RFX2: variants seen among roughly 807,000 people sequenced by gnomAD.
The protein encoded by RFX2 is regulatory factor X2, also known as DNA-binding protein RFX2.
Under a neutral mutation model 87.8 loss-of-function variants are expected in RFX2, and 20 were observed. That is an observed-to-expected ratio of 0.23 (90% CI 0.16 to 0.33). The LOEUF (loss-of-function observed/expected upper bound fraction) is 0.33. Among genes scored for constraint, RFX2 ranks in the 10% least tolerant of loss-of-function variants. The pLI, the probability that RFX2 is intolerant of heterozygous loss-of-function variation, is 1.00. For missense variants in RFX2, 767 were observed against 1,012.3 expected, an observed-to-expected ratio of 0.76 and a Z score of 3.29; for synonymous variants, 397 against 431.3, an observed-to-expected ratio of 0.92 and a Z score of 0.98.
In RFX2 at chr19:6,044,183, T is replaced by G; in HGVS notation, c.180+10A>C. Reference sequence around the variant, plus strand: ...CCCGGTTTGCACGGTGCTGCGGTGCTTGTCATTACCTGCTGGGGTACCTGC... The same window carrying G: ...CCCGGTTTGCACGGTGCTGCGGTGCGTGTCATTACCTGCTGGGGTACCTGC... On this transcript the variant is annotated intron_variant, in intron 3 of 17. Coordinates refer to ENST00000303657, the MANE Select transcript of RFX2 (RefSeq NM_000635.4). The surrounding 1 kb of genome is among the most constrained non-coding windows in gnomAD (Gnocchi z 5.3). 1 of 1,532,014 alleles carries G rather than the reference T, an allele frequency of 6.5e-7. No homozygotes were observed. The highest frequency in any genetic ancestry group is 8.8e-7 in the Non-Finnish European group (1 of 1,137,830). The allele number at this position is 1,532,014 out of a possible 1,614,324, so 94.9% of individuals were successfully genotyped here.
chr19:6,068,036 G>C (rs533554685), intron 1 of RFX2: 2 of 152,320 alleles, frequency 1.3e-5, no homozygotes, highest in East Asian at 3.9e-4. Flanking sequence ...GTGTTGCAGG[G>C]AGATGAGGAA....
chr19:6,081,149 G>C (rs1397678451), intron 1 of RFX2, among the ~76,000 whole-genome samples: 2 of 151,648 alleles, frequency 1.3e-5, no homozygotes, highest in Non-Finnish European at 2.9e-5. Flanking sequence ...TTAGATTATA[G>C]ACAGAAAGAG....
chr19:6,013,676 A>T lies in RFX2; in HGVS notation c.780-571T>A, dbSNP rs957116836. Among the ~76,000 whole-genome samples, 8 of 152,050 alleles carry T rather than the reference A, an allele frequency of 5.3e-5. No homozygotes were observed. Among genetic ancestry groups the T allele is most frequent in the Non-Finnish European group, 1.2e-4 (8 of 68,008 alleles). ...TGGGACAGCTGGCGTGTGCCAACAC[A>T]CTCGGATGGTAGAAGTGATCCTCCT... On this transcript the variant is annotated intron_variant, in intron 7 of 17. Coordinates refer to ENST00000303657, the MANE Select transcript of RFX2 (RefSeq NM_000635.4). This position sits in a 1 kb window ranked among gnomAD's most constrained non-coding sequence, Gnocchi z 4.1.
Position 6,017,223 on chromosome 19 carries a change from T to A in RFX2, c.598-952A>T, listed in dbSNP as rs533848082. Among the ~76,000 whole-genome samples the A allele has an allele frequency of 6.6e-6, 1 of 152,202 alleles. No homozygotes were observed. The highest frequency in any genetic ancestry group is 1.5e-5 in the Non-Finnish European group (1 of 68,030). On this transcript the variant is annotated intron_variant, in intron 6 of 17. Transcript: ENST00000303657. This position sits in a 1 kb window ranked among gnomAD's most constrained non-coding sequence, Gnocchi z 4.1. ...TCCAGCCTGGGCGACAGGGCAAGACTTCGTCTCTTTCAAAAAACGAAACAA... is the reference window on the plus strand; with the variant it reads ...TCCAGCCTGGGCGACAGGGCAAGACATCGTCTCTTTCAAAAAACGAAACAA...
chr19:6,066,867 A>C (rs749021759), intron 1 of RFX2, among the ~76,000 whole-genome samples: 15 of 152,200 alleles, frequency 9.9e-5, no homozygotes, highest in South Asian at 4.1e-4. Flanking sequence ...AACCGGGAGA[A>C]TACTTCCCAA....
At chr19:6,033,778 C>A (rs910629755) in intron 5 of RFX2, among the ~76,000 whole-genome samples, 2 of 151,750 alleles carry the variant, frequency 1.3e-5, no homozygotes, top group African/African-American at 2.4e-5. Context: ...TCAGCTGCAA[C>A]AAATGTAACA....
chr19:6,105,973 G>A (rs546622010), intron 1 of RFX2, among the ~76,000 whole-genome samples: 6 of 152,298 alleles, frequency 3.9e-5, no homozygotes, highest in Non-Finnish European at 7.4e-5. Context: ...GATGTTTTCT[G>A]CAGAGAAGAG....
At chr19:6,028,199 C>T (rs1168661792) in intron 5 of RFX2, among the ~76,000 whole-genome samples, 1 of 147,996 alleles carries the variant, frequency 6.8e-6, no homozygotes, top group East Asian at 1.9e-4. Context: ...GTACACTTTC[C>T]AAATTAAAAA....
chr19:6,094,918 G>A (rs1204348086), intron 1 of RFX2, among the ~76,000 whole-genome samples: 1 of 152,080 alleles, frequency 6.6e-6, no homozygotes, highest in Non-Finnish European at 1.5e-5. Flanking sequence ...CACGAGGTCA[G>A]GAGATTGAGA....
At chr19:6,028,009 A>G (rs1318633471) in intron 5 of RFX2, among the ~76,000 whole-genome samples, 1 of 152,070 alleles carries the variant, frequency 6.6e-6, no homozygotes, top group Admixed American at 6.6e-5. Context: ...TGATCCGCCC[A>G]CCTCGGCCTC....
chr19:6,042,947 CG>C (rs2087132176), intron 3 of RFX2, among the ~76,000 whole-genome samples: 1 of 152,172 alleles, frequency 6.6e-6, no homozygotes, highest in African/African-American at 2.4e-5. Context: ...TGGGCTTGTT[CG>C]GGTGTCATGG....
rs774008373 is a variant in RFX2, at chr19:6,013,764, C to A, written c.780-659G>T. On this transcript the variant is annotated intron_variant, in intron 7 of 17. Coordinates refer to ENST00000303657, the MANE Select transcript of RFX2 (RefSeq NM_000635.4). The surrounding 1 kb of genome is among the most constrained non-coding windows in gnomAD (Gnocchi z 4.1). ...TCGGATCTTGACCTTTCACTTTGGC[C>A]TCTCTGGTTCAGCATTTCCTGAACT... 6.6e-6 allele frequency among the ~76,000 whole-genome samples: 1 copy of A among 152,186 alleles called. No individual in the cohort carries two copies. Among genetic ancestry groups the A allele is most frequent in the Non-Finnish European group, 1.5e-5 (1 of 68,032 alleles).
chr19:6,053,155 T>C (rs1050343699), intron 1 of RFX2, among the ~76,000 whole-genome samples: 3 of 152,130 alleles, frequency 2.0e-5, no homozygotes, highest in Non-Finnish European at 4.4e-5. Flanking sequence ...AAAACTGAAA[T>C]TTTTTCAGAA....
At chr19:6,084,698 G>A (rs765998102) in intron 1 of RFX2, among the ~76,000 whole-genome samples, 15 of 150,326 alleles carry the variant, frequency 1.0e-4, no homozygotes, top group Non-Finnish European at 1.9e-4. Flanking sequence ...GCAGTGGTGC[G>A]ATCTTGGCTC....
rs113563864 is a variant in RFX2, at chr19:6,016,006, G to A, written c.779+84C>T. 3,221 of 1,352,198 alleles carry A rather than the reference G, an allele frequency of 2.4e-3. 8 individuals are homozygous for A. Among genetic ancestry groups the A allele is most frequent in the Non-Finnish European group, 2.6e-3 (2,574 of 996,972 alleles). 83.8% of individuals were successfully genotyped at this position (1,352,198 alleles called of 1,614,324 possible). ...TGCGAATCAGGCCACCTGGAAAGGAGGAGGAAGCCTCGCATTTTCCCAAAA... is the reference window on the plus strand; with the variant it reads ...TGCGAATCAGGCCACCTGGAAAGGAAGAGGAAGCCTCGCATTTTCCCAAAA... On this transcript the variant is annotated intron_variant, in intron 7 of 17. Coordinates refer to ENST00000303657, the MANE Select transcript of RFX2 (RefSeq NM_000635.4). The surrounding 1 kb of genome is among the most constrained non-coding windows in gnomAD (Gnocchi z 5.4).
intron 1 of RFX2, among the ~76,000 whole-genome samples, chr19:6,057,924 T>C (rs2087368364): frequency 6.6e-6 from 1 of 152,130 alleles, no homozygotes; most frequent in Admixed American, 6.5e-5. Context: ...TAAGATTCTG[T>C]CCTCACTGTT....
rs1168525065 is a variant in RFX2, at chr19:6,017,462, G to C, written c.598-1191C>G. On this transcript the variant is annotated intron_variant, in intron 6 of 17. Coordinates refer to ENST00000303657, the MANE Select transcript of RFX2 (RefSeq NM_000635.4). This position sits in a 1 kb window ranked among gnomAD's most constrained non-coding sequence, Gnocchi z 4.1. The stretch of plus-strand genomic sequence containing the variant: ...GGTTTCCACCTCTCCCTCTGCTATC[G>C]TCTGTCCCCTGATCCAGAGAGGTCT... 2.6e-5 allele frequency among the ~76,000 whole-genome samples: 4 copies of C among 152,190 alleles called. No homozygotes were observed. Among genetic ancestry groups the C allele is most frequent in the Non-Finnish European group, 5.9e-5 (4 of 68,038 alleles).
chr19:6,041,975 C>T (rs1303800873), intron 4 of RFX2, 69 bp downstream of exon 4: 2 of 1,250,194 alleles, frequency 1.6e-6, no homozygotes, highest in Non-Finnish European at 2.4e-6. Context: ...TTGCTTGATG[C>T]CTCCCCAGGT....
chr19:6,069,490 C>G (rs1017062509), intron 1 of RFX2, among the ~76,000 whole-genome samples: 1 of 152,136 alleles, frequency 6.6e-6, no homozygotes, highest in Non-Finnish European at 1.5e-5. Context: ...GTATAAATGA[C>G]CTAGTTAAAA....
Sources: allele counts gnomAD v4.1 joint callset (sites outside exome capture counted in the v4.1 genomes callset), GRCh38; gene constraint gnomAD v4.1.1; non-coding constraint Gnocchi (gnomAD v3.1); transcripts MANE v1.5; gene names NCBI Gene and HGNC (gene_info 2026-07-23, HGNC 2026-07-21).